Variants in LARP4B observed in about 807,000 individuals in gnomAD.
The protein encoded by LARP4B is la-related protein 4B.
In LARP4B, 12 loss-of-function variants were observed where a neutral mutation model predicts 89.8. That is an observed-to-expected ratio of 0.13 (90% CI 0.09 to 0.22). The LOEUF (loss-of-function observed/expected upper bound fraction) is 0.22, where lower values mean the gene tolerates loss of function less well. LARP4B is among the 10% of genes least tolerant of loss of function. The probability of loss-of-function intolerance (pLI) is 1.00; values close to 1 mark genes in which losing one functional copy is unlikely to be tolerated. For synonymous variants in LARP4B, 367 were observed against 363.3 expected (o/e 1.01, Z -0.12); for missense variants, 757 against 947.7 (o/e 0.80, Z 2.64).
chr10:844,299 T>A (rs1281321658), intron 6 of LARP4B, among the ~76,000 whole-genome samples: 1 of 152,182 alleles, frequency 6.6e-6, no homozygotes, highest in Admixed American at 6.5e-5. Flanking sequence ...TGCGGTATTC[T>A]CAGACTCCAA....
chr10:969,200 GA>G, the LARP4B span, among the ~76,000 whole-genome samples: 1 of 152,202 alleles, frequency 6.6e-6, no homozygotes, highest in African/African-American at 2.4e-5. Flanking sequence ...AAAGTAAGGG[GA>G]AAAAATGGTT....
the LARP4B span, among the ~76,000 whole-genome samples, chr10:937,397 C>G: frequency 1.3e-5 from 2 of 152,128 alleles, no homozygotes; most frequent in African/African-American, 4.8e-5. Context: ...GCAGGAATCA[C>G]AAATGAATGC....
intron 3 of LARP4B, among the ~76,000 whole-genome samples, chr10:876,019 C>T (rs922100371): frequency 2.0e-5 from 3 of 152,194 alleles, no homozygotes; most frequent in African/African-American, 7.2e-5. Context: ...AGATCAATTC[C>T]TCTCCAGCCC....
Position 870,288 on chromosome 10 carries a change from G to A in LARP4B, c.142-6018C>T, listed in dbSNP as rs140624742. 8.0e-3 allele frequency among the ~76,000 whole-genome samples: 1,214 copies of A among 152,208 alleles called. 18 individuals are homozygous for A. The highest frequency in any genetic ancestry group is 0.028 in the African/African-American group (1,145 of 41,540). ...TAATAGGAAAATTCACTCAAAAAAC[G>A]GGAGACTCCTTCTGGGAAACTCTGC... On this transcript the variant is annotated intron_variant, in intron 3 of 17. Coordinates refer to ENST00000316157, the MANE Select transcript of LARP4B (RefSeq NM_015155.3).
At chr10:975,720 G>A in the LARP4B span, among the ~76,000 whole-genome samples, 1 of 151,782 alleles carries the variant, frequency 6.6e-6, no homozygotes, top group Non-Finnish European at 1.5e-5. Context: ...GTGCAGCCCG[G>A]CCTAGTAGAA....
chr10:929,427 T>C (rs1299109287), intron 1 of LARP4B, among the ~76,000 whole-genome samples: 4 of 152,108 alleles, frequency 2.6e-5, no homozygotes, highest in African/African-American at 9.7e-5. Flanking sequence ...AAACCCCGTC[T>C]CTACTAAAAA....
the LARP4B span, among the ~76,000 whole-genome samples, chr10:963,581 C>A: frequency 2.0e-5 from 3 of 152,200 alleles, no homozygotes; most frequent in Non-Finnish European, 4.4e-5. Context: ...TGGTCCCCAT[C>A]TTCCAGGAGT....
intron 1 of LARP4B, among the ~76,000 whole-genome samples, chr10:930,818 A>G (rs1837278911): frequency 6.6e-6 from 1 of 152,150 alleles, no homozygotes; most frequent in Non-Finnish European, 1.5e-5. Context: ...TTCTAAAGGA[A>G]TGCGATGCCC....
chr10:814,782 G>T lies in LARP4B; in HGVS notation c.1889C>A (p.Ala630Glu). The part of the protein sequence containing the change: ...SVDRLPSALT[A>E]TACKSVQVNG... ...CACCTGCACCGATTTACACGCGGTCGCAGTGAGGGCGGAAGGAAGTCTGTC... is the reference window on the plus strand; with the variant it reads ...CACCTGCACCGATTTACACGCGGTCTCAGTGAGGGCGGAAGGAAGTCTGTC... Residue 630 changes from alanine to glutamate, a missense_variant, in exon 17 of 18, where the codon GCG (alanine) becomes GAG (glutamate). Transcript: ENST00000316157. This position sits in a 1 kb window ranked among gnomAD's most constrained non-coding sequence, Gnocchi z 4.4. The T allele has an allele frequency of 6.2e-7, 1 of 1,604,432 alleles. No individual in the cohort carries two copies. The highest frequency in any genetic ancestry group is 8.5e-7 in the Non-Finnish European group (1 of 1,174,502).
chr10:865,503 C>T (rs1003902908), intron 3 of LARP4B, among the ~76,000 whole-genome samples: 1 of 152,188 alleles, frequency 6.6e-6, no homozygotes, highest in African/African-American at 2.4e-5. Flanking sequence ...TTTCCAGGCA[C>T]ACTGACCTCC....
chr10:968,312 T>C, the LARP4B span, among the ~76,000 whole-genome samples: 20 of 150,478 alleles, frequency 1.3e-4, no homozygotes, highest in Non-Finnish European at 1.5e-4. Context: ...GGTCAAACTT[T>C]ATAAATGCAC....
chr10:916,791 G>A (rs1836834554), intron 1 of LARP4B, among the ~76,000 whole-genome samples: 2 of 152,160 alleles, frequency 1.3e-5, no homozygotes, highest in Non-Finnish European at 2.9e-5. Context: ...CAAACTCCTG[G>A]ACCTAAGTGA....
At chr10:893,053 G>C (rs1268893937) in intron 1 of LARP4B, among the ~76,000 whole-genome samples, 1 of 151,052 alleles carries the variant, frequency 6.6e-6, no homozygotes, top group Non-Finnish European at 1.5e-5. Flanking sequence ...TGGGATTACA[G>C]GTGTGCAACA....
chr10:873,299 C>T (rs887755558), intron 3 of LARP4B: 1 of 985,280 alleles, frequency 1.0e-6, no homozygotes, highest in Admixed American at 6.2e-5. Flanking sequence ...CCACTCAAAC[C>T]CAAATCCTAA....
chr10:935,422 T>G (rs560845706), upstream of LARP4B, among the ~76,000 whole-genome samples: 4 of 152,214 alleles, frequency 2.6e-5, no homozygotes, highest in South Asian at 8.3e-4. Context: ...TCGCTTATTT[T>G]TCAAGTTACA....
intron 3 of LARP4B, among the ~76,000 whole-genome samples, chr10:878,756 A>C (rs948548384): frequency 6.6e-6 from 1 of 152,208 alleles, no homozygotes; most frequent in African/African-American, 2.4e-5. Flanking sequence ...CTATTCTCTC[A>C]GTACAACTGT....
chr10:918,531 G>A (rs946041396), intron 1 of LARP4B, among the ~76,000 whole-genome samples: 3 of 151,548 alleles, frequency 2.0e-5, no homozygotes, highest in African/African-American at 7.3e-5. Context: ...CTACTCGGGA[G>A]GCTGAGGAGG....
chr10:901,567 T>G (rs1186751372), intron 1 of LARP4B, among the ~76,000 whole-genome samples: 15 of 152,226 alleles, frequency 9.9e-5, no homozygotes, highest in African/African-American at 2.2e-4. Context: ...TATTTTAGTC[T>G]TTTGTTTTTT....
At chr10:973,610 C>A in the LARP4B span, among the ~76,000 whole-genome samples, 1 of 152,040 alleles carries the variant, frequency 6.6e-6, no homozygotes, top group Non-Finnish European at 1.5e-5. Flanking sequence ...CTCGGCCTCC[C>A]AAAGTGCTGG....
Sources: allele counts gnomAD v4.1 joint callset (sites outside exome capture counted in the v4.1 genomes callset), GRCh38; gene constraint gnomAD v4.1.1; non-coding constraint Gnocchi (gnomAD v3.1); transcripts MANE v1.5; gene names NCBI Gene and HGNC (gene_info 2026-07-23, HGNC 2026-07-21).